Variants in WRN observed in about 807,000 individuals in gnomAD.
WRN encodes WRN RecQ like helicase.
WRN carries 149 observed loss-of-function variants against 180.7 expected under a neutral mutation model. The observed-to-expected ratio is 0.82, with a 90% CI of 0.72 to 0.94. The LOEUF is 0.94. WRN is among the 40% of genes least tolerant of loss of function. The probability of loss-of-function intolerance (pLI) is 0.00; values close to 1 mark genes in which losing one functional copy is unlikely to be tolerated. For synonymous variants in WRN, 548 were observed against 568.9 expected (o/e 0.96, Z 0.52); for missense variants, 1,661 against 1,700.1 (o/e 0.98, Z 0.40).
intron 24 of WRN, among the ~76,000 whole-genome samples, chr8:31,140,527 A>G (rs1802578309): frequency 6.6e-6 from 1 of 152,146 alleles, no homozygotes; most frequent in Non-Finnish European, 1.5e-5. Context: ...TCCCGTAGGA[A>G]TTCTCCCTTC....
chr8:31,066,906 GC>G, intron 5 of WRN, 126 bp from the exon 6 acceptor site: 1 of 1,113,286 alleles, frequency 9.0e-7, no homozygotes, highest in South Asian at 1.3e-5. Flanking sequence ...TTTGTTGAAG[GC>G]TATCTGTGGG....
At chr8:31,068,444 A>G (rs753137359) in intron 7 of WRN, 117 bp downstream of exon 7, 21 of 849,374 alleles carry the variant, frequency 2.5e-5, no homozygotes, top group Non-Finnish European at 3.6e-5. Context: ...TGAATGTCTG[A>G]GCAGTCCTGA....
At chr8:31,055,982 A>G (rs1812256978) in intron 1 of WRN, among the ~76,000 whole-genome samples, 1 of 152,206 alleles carries the variant, frequency 6.6e-6, no homozygotes, top group South Asian at 2.1e-4. Context: ...AATTTGACAA[A>G]GATATTAGGT....
Position 31,147,421 on chromosome 8 carries a change from G to T in WRN, c.3517G>T (p.Val1173Phe), listed in dbSNP as rs971816710. 1 of 1,613,922 alleles carries T rather than the reference G, an allele frequency of 6.2e-7. No individual in the cohort carries two copies. Among genetic ancestry groups the T allele is most frequent in the Admixed American group, 1.7e-5 (1 of 59,994 alleles). Residue 1173 changes from valine (V) to phenylalanine (F), a missense_variant, in exon 30 of 35, where the codon GTT becomes TTT. Physicochemically the swap from Val to Phe is conservative, Grantham distance 50. This residue lies in a region of WRN where 1,141 missense variants were observed against 1,149.4 expected (regional missense o/e 0.99). Transcript: ENST00000298139. ...GCAGAAACATGCCAATAAAATGGAT[G>T]TTCCCCCAGCTATTCTGGCAACAAA... Reference protein sequence around the residue: ...ARQKHANKMDVPPAILATNKI... With the variant: ...ARQKHANKMDFPPAILATNKI...
At chr8:31,066,573 C>A (rs1003355718) in intron 5 of WRN, among the ~76,000 whole-genome samples, 3 of 151,812 alleles carry the variant, frequency 2.0e-5, no homozygotes, top group African/African-American at 7.3e-5. Context: ...TATTTTTAAT[C>A]CATGTATACC....
rs750658657 is a variant in WRN, at chr8:31,111,658, G to C, written c.2132G>C (p.Arg711Pro). ...ALTATASSSI[R>P]EDIVRCLNLR... is the part of the protein sequence containing the mutation. ...ACTGCTACTGCAAGTTCTTCAATCC[G>C]GGAAGACATTGTACGTTGCTTAAAT... Residue 711 changes from arginine to proline, a missense_variant, in exon 19 of 35, where the codon CGG (arginine) becomes CCG (proline). Physicochemically the swap from Arg to Pro is moderately radical, Grantham distance 103. This residue lies in a region of WRN where 1,141 missense variants were observed against 1,149.4 expected (regional missense o/e 0.99). Coordinates refer to ENST00000298139, the MANE Select transcript of WRN (RefSeq NM_000553.6). 1.2e-6 allele frequency: 2 copies of C among 1,613,940 alleles called. No homozygotes were observed. Among genetic ancestry groups the C allele is most frequent in the East Asian group, 4.5e-5 (2 of 44,834 alleles).
rs1803432591 is a variant in WRN, at chr8:31,157,469, C to T, written c.3921C>T (p.Gly1307=). The stretch of plus-strand genomic sequence containing the variant: ...GCCCCCTTGATTTGGAGCGAGCAGG[C>T]CTGACTCCAGAGGTTCAGAAGATTA... ...AGCPLDLERA[G]LTPEVQKIIA... The change falls in exon 33 of 35, where the codon GGC becomes GGT. Residue 1307 remains glycine, a synonymous_variant. Transcript: ENST00000298139. 1 of 1,614,088 alleles carries T rather than the reference C, an allele frequency of 6.2e-7. No individual in the cohort carries two copies. Among genetic ancestry groups the T allele is most frequent in the Non-Finnish European group, 8.5e-7 (1 of 1,180,010 alleles).
chr8:31,047,887 T>C (rs1811929906), intron 1 of WRN, among the ~76,000 whole-genome samples: 1 of 152,224 alleles, frequency 6.6e-6, no homozygotes, highest in Admixed American at 6.5e-5. Context: ...AGCACTTCGC[T>C]GTGCCATGGA....
intron 7 of WRN, among the ~76,000 whole-genome samples, chr8:31,068,726 G>A (rs889117888): frequency 3.3e-5 from 5 of 152,194 alleles, no homozygotes; most frequent in Non-Finnish European, 2.9e-5. Context: ...TAAACACTAA[G>A]TGATAAAGTA....
chr8:31,066,869 G>A (rs1485533375), intron 5 of WRN, among the ~76,000 whole-genome samples, 164 bp from the exon 6 acceptor site: 2 of 152,172 alleles, frequency 1.3e-5, no homozygotes, highest in African/African-American at 4.8e-5. Flanking sequence ...AATGTGGACT[G>A]CATATGAGGC....
chr8:31,109,941 A>G (rs575375238), intron 18 of WRN, among the ~76,000 whole-genome samples: 52 of 152,286 alleles, frequency 3.4e-4, no homozygotes, highest in Middle Eastern at 3.4e-3. Flanking sequence ...CCTCATTTTC[A>G]TAAATATATT....
chr8:31,059,809 C>T (rs548508192), intron 3 of WRN, among the ~76,000 whole-genome samples: 1 of 152,294 alleles, frequency 6.6e-6, no homozygotes, highest in South Asian at 2.1e-4. Flanking sequence ...GTAATCCCAG[C>T]ACTTTGTGAG....
rs558636305 is a variant in WRN at position 31,070,563 on chromosome 8, G to A, written c.724+2236G>A. 2.6e-5 allele frequency among the ~76,000 whole-genome samples: 4 copies of A among 152,194 alleles called. No individual in the cohort carries two copies. In the East Asian group the frequency reaches 7.8e-4, roughly 29 times the overall value. On this transcript the variant is annotated intron_variant, in intron 7 of 34. Coordinates refer to ENST00000298139, the MANE Select transcript of WRN (RefSeq NM_000553.6). ...CCAGGCATACTCTGTTTCCTGAGGG[G>A]CCTACAGTTTTATTGGGGATATAGA...
rs115797171 is a variant in WRN at position 31,145,749 on chromosome 8, T to G, written c.3384-1304T>G. Among the ~76,000 whole-genome samples, 1,388 of 152,232 alleles carry G rather than the reference T, an allele frequency of 9.1e-3. 22 individuals carry two copies. Among genetic ancestry groups the G allele is most frequent in the African/African-American group, 0.032 (1,328 of 41,528 alleles). On this transcript the variant is annotated intron_variant, in intron 28 of 34. Coordinates refer to ENST00000298139, the MANE Select transcript of WRN (RefSeq NM_000553.6). ...ACCTTCTGGAAAATATTCACTATTCTAGAAGTCATGAAGAATATTTGTGAT... is the reference window on the plus strand; with the variant it reads ...ACCTTCTGGAAAATATTCACTATTCGAGAAGTCATGAAGAATATTTGTGAT...
chr8:31,058,242 G>T, intron 1 of WRN, 130 bp from the exon 2 acceptor site: 2 of 523,582 alleles, frequency 3.8e-6, no homozygotes, highest in South Asian at 4.9e-5. Flanking sequence ...ATAATTATTA[G>T]ATGCAGCATA....
Position 31,141,780 on chromosome 8 carries a change from A to AT in WRN, c.3233+10dup. ...AAAGAAGTTGCTTCTGCCTAGGTTCATTTTTCAGTTTTTTTCTTGTAACTT... is the reference window on the plus strand; with the variant it reads ...AAAGAAGTTGCTTCTGCCTAGGTTCATTTTTTCAGTTTTTTTCTTGTAACTT... On this transcript the variant is annotated splice_donor_region_variant and intron_variant, in intron 26 of 34. Transcript: ENST00000298139. 6.2e-7 allele frequency: 1 copy of AT among 1,612,874 alleles called. No homozygotes were observed. Among genetic ancestry groups the AT allele is most frequent in the Non-Finnish European group, 8.5e-7 (1 of 1,179,380 alleles).
chr8:31,125,537 GATAT>G (rs71206299), intron 23 of WRN, among the ~76,000 whole-genome samples: 2,695 of 63,706 alleles, frequency 0.042, 224 homozygotes, highest in Admixed American at 0.12. Context: ...ATATTATGGA[GATAT>G]ATATATATAT....
chr8:31,127,488 A>C (rs981102276), intron 23 of WRN, among the ~76,000 whole-genome samples: 3 of 152,332 alleles, frequency 2.0e-5, no homozygotes, highest in Non-Finnish European at 4.4e-5. Flanking sequence ...TAGCTGCGTT[A>C]CTGTAAGACA....
intron 9 of WRN, 130 bp downstream of exon 9, chr8:31,081,426 C>G (rs1242777632): frequency 1.0e-6 from 1 of 965,112 alleles, no homozygotes; most frequent in Non-Finnish European, 1.5e-6. Flanking sequence ...TAACTCAGTT[C>G]TGTTATTGTA....
Sources: allele counts gnomAD v4.1 joint callset (sites outside exome capture counted in the v4.1 genomes callset), GRCh38; gene constraint gnomAD v4.1.1; regional missense constraint gnomAD v4.1.1; transcripts MANE v1.5; gene names NCBI Gene and HGNC (gene_info 2026-07-23, HGNC 2026-07-21).